Variants in PACC1 observed in about 807,000 individuals in gnomAD.
PACC1 encodes the protein proton activated chloride channel 1, also known as proton-activated chloride channel.
A neutral mutation model predicts 39.7 loss-of-function variants in PACC1; 34 were observed. The ratio of observed to expected loss-of-function variants is 0.86; its 90% CI spans 0.65 to 1.14. PACC1 has a LOEUF of 1.14. PACC1 is among the 50% of genes most tolerant of loss of function. The pLI is 0.00. For missense variants in PACC1, 379 were observed against 436.4 expected (o/e 0.87, Z 1.17); for synonymous variants, 127 against 160.6 (o/e 0.79, Z 1.58).
intron 2 of PACC1, among the ~76,000 whole-genome samples, chr1:212,393,129 A>C (rs534909758): frequency 1.2e-4 from 19 of 152,364 alleles, no homozygotes; most frequent in African/African-American, 4.6e-4. Flanking sequence ...TCAACAGAAT[A>C]TACATTCTTC....
rs781508262 is a variant in PACC1 at position 212,414,048 on chromosome 1, G to A, written c.36+674C>T. 1.6e-5 allele frequency: 24 copies of A among 1,535,432 alleles called. No individual in the cohort carries two copies. The South Asian group carries it at 2.9e-4, about 18-fold the overall frequency. On this transcript the variant is annotated intron_variant, in intron 1 of 7. Coordinates refer to ENST00000261455, the MANE Select transcript of PACC1 (RefSeq NM_018252.3). ...ATACAGCTGGAGAAGTGAGGAGGCA[G>A]GGCTTGCTTGAAGGAAGCGCTGGAC...
intron 7 of PACC1, among the ~76,000 whole-genome samples, chr1:212,374,499 G>A (rs1376014174): frequency 2.6e-5 from 4 of 152,068 alleles, no homozygotes; most frequent in Non-Finnish European, 5.9e-5. Flanking sequence ...ATACAGTAGA[G>A]CAATTATAGT....
At chr1:212,367,635 T>G (rs1660293488) in intron 7 of PACC1, among the ~76,000 whole-genome samples, 1 of 152,028 alleles carries the variant, frequency 6.6e-6, no homozygotes, top group Non-Finnish European at 1.5e-5. Context: ...GTCTGTGGGT[T>G]TGGGGTGTGA....
rs761545851 is a variant in PACC1 at position 212,386,919 on chromosome 1, G to A, written c.315C>T (p.Tyr105=). ...GGGCATCATAGCGATCCACTTCCTT[G>A]TAAGACACAGACATGACAGGGTGCT... is the stretch of plus-strand genomic sequence containing the variant. ...KLKHPVMSVS[Y]KEVDRYDAPG... Residue 105 remains tyrosine, a synonymous_variant, in exon 3 of 8, where the codon TAC becomes TAT. Coordinates refer to ENST00000261455, the MANE Select transcript of PACC1 (RefSeq NM_018252.3). The surrounding 1 kb of genome is among the most constrained non-coding windows in gnomAD (Gnocchi z 5.0). 2 of 1,614,150 alleles carry A rather than the reference G, an allele frequency of 1.2e-6. No homozygotes were observed. Among genetic ancestry groups the A allele is most frequent in the Admixed American group, 1.7e-5 (1 of 60,014 alleles).
intron 2 of PACC1, among the ~76,000 whole-genome samples, chr1:212,396,879 A>G (rs1661548191): frequency 6.6e-6 from 1 of 152,038 alleles, no homozygotes; most frequent in Admixed American, 6.6e-5. Context: ...TATTAACGAC[A>G]ACTAATTTCT....
rs1291385951 is a variant in PACC1, at chr1:212,410,184, T to C, written c.133+241A>G. 3 of 489,416 alleles carry C rather than the reference T, an allele frequency of 6.1e-6. No homozygotes were observed. In the East Asian group the frequency reaches 1.1e-4, roughly 18 times the overall value. The allele number at this position is 489,416 out of a possible 1,614,324, so 30.3% of individuals were successfully genotyped here. Reference sequence around the variant, plus strand: ...GAGCAGAGATCCAAAGCATTTGCCATTGTATGCAATGACCTGACCTCAGGA... The same window carrying C: ...GAGCAGAGATCCAAAGCATTTGCCACTGTATGCAATGACCTGACCTCAGGA... On this transcript the variant is annotated intron_variant, in intron 2 of 7. Coordinates refer to ENST00000261455, the MANE Select transcript of PACC1 (RefSeq NM_018252.3).
intron 2 of PACC1, among the ~76,000 whole-genome samples, chr1:212,394,242 A>AT (rs1470737893): frequency 6.6e-6 from 1 of 152,238 alleles, no homozygotes; most frequent in African/African-American, 2.4e-5. Flanking sequence ...ATCCACCATG[A>AT]TCAAGTGGGC....
chr1:212,405,205 C>T (rs1033913358), intron 2 of PACC1, among the ~76,000 whole-genome samples: 15 of 152,250 alleles, frequency 9.9e-5, no homozygotes, highest in African/African-American at 3.4e-4. Flanking sequence ...ATCTCCACTG[C>T]TCTCCCCCAG....
chr1:212,393,922 C>A (rs1255173593), intron 2 of PACC1, among the ~76,000 whole-genome samples: 13 of 151,214 alleles, frequency 8.6e-5, no homozygotes, highest in East Asian at 1.9e-4. Flanking sequence ...CAATAACAGG[C>A]TCTGAAATTG....
intron 1 of PACC1, 42 bp downstream of exon 1, chr1:212,414,680 C>T (rs747721659): frequency 6.2e-7 from 1 of 1,612,300 alleles, no homozygotes; most frequent in South Asian, 1.1e-5. Context: ...GGACCCTGCT[C>T]CTCCGCCTCA....
At chr1:212,372,298 A>G (rs1367102972) in intron 7 of PACC1, among the ~76,000 whole-genome samples, 1 of 149,014 alleles carries the variant, frequency 6.7e-6, no homozygotes, top group Non-Finnish European at 1.5e-5. Flanking sequence ...AAAAAAACAA[A>G]AAACAAAAAA....
At chr1:212,406,965 T>C (rs1661940566) in intron 2 of PACC1, among the ~76,000 whole-genome samples, 1 of 152,126 alleles carries the variant, frequency 6.6e-6, no homozygotes, top group South Asian at 2.1e-4. Flanking sequence ...GCACTTCTGG[T>C]TGGGGGCAAG....
At chr1:212,376,202 A>C (rs701906) in intron 6 of PACC1, among the ~76,000 whole-genome samples, 1 of 152,012 alleles carries the variant, frequency 6.6e-6, no homozygotes, top group Non-Finnish European at 1.5e-5. Flanking sequence ...CCAGAGGCTC[A>C]GATCCATCAT....
intron 2 of PACC1, among the ~76,000 whole-genome samples, chr1:212,408,492 C>T (rs1662008165): frequency 6.6e-6 from 1 of 152,024 alleles, no homozygotes; most frequent in Non-Finnish European, 1.5e-5. Context: ...TCCCAAGTAG[C>T]TGAGATTACA....
chr1:212,377,706 G>A lies in PACC1; in HGVS notation c.639C>T (p.Ser213=). The A allele has an allele frequency of 6.2e-7, 1 of 1,613,860 alleles. No individual in the cohort carries two copies. The highest frequency in any genetic ancestry group is 8.5e-7 in the Non-Finnish European group (1 of 1,179,884). ...CCTGCATGAAGCCTACCCTGTTTGG[G>A]CTTGGAGGAAGGAAGGAGAAGGAAG... is the stretch of plus-strand genomic sequence containing the variant. The part of the protein sequence containing the change: ...LFSSFQEFLQ[S]PNRVGFMQAC... The change falls in exon 6 of 8, where the codon AGC becomes AGT. Residue 213 remains serine (S), a splice_region_variant and synonymous_variant. Transcript: ENST00000261455.
chr1:212,392,777 G>T (rs1271959118), intron 2 of PACC1, among the ~76,000 whole-genome samples: 8 of 151,708 alleles, frequency 5.3e-5, no homozygotes, highest in Middle Eastern at 6.8e-3. Context: ...AAAGGCAGGG[G>T]TTGCAATCCT....
chr1:212,405,396 C>T (rs1661871546), intron 2 of PACC1, among the ~76,000 whole-genome samples: 1 of 152,194 alleles, frequency 6.6e-6, no homozygotes, highest in Non-Finnish European at 1.5e-5. Flanking sequence ...TAATTAAACT[C>T]AATAAATGTG....
chr1:212,386,907 A>G lies in PACC1; in HGVS notation c.327T>C (p.Asp109=), dbSNP rs1262088928. The G allele has an allele frequency of 3.7e-6, 6 of 1,614,032 alleles. No homozygotes were observed. The African/African-American group carries it at 8.0e-5, about 22-fold the overall frequency. The change falls in exon 3 of 8, where the codon GAT becomes GAC. Residue 109 remains aspartate, a synonymous_variant. Coordinates refer to ENST00000261455, the MANE Select transcript of PACC1 (RefSeq NM_018252.3). The surrounding 1 kb of genome is among the most constrained non-coding windows in gnomAD (Gnocchi z 5.0). ...AGGCTCTACCTGGGGCATCATAGCG[A>G]TCCACTTCCTTGTAAGACACAGACA... ...PVMSVSYKEV[D]RYDAPGIALY...
intron 1 of PACC1, among the ~76,000 whole-genome samples, chr1:212,412,663 G>T (rs564246604): frequency 6.6e-6 from 1 of 152,332 alleles, no homozygotes; most frequent in Non-Finnish European, 1.5e-5. Context: ...AGTCTACCCT[G>T]GGCCTTGGCC....
Sources: gnomAD v4.1 joint callset for allele counts (sites outside exome capture counted in the v4.1 genomes callset) on GRCh38, gnomAD v4.1.1 for gene constraint, Gnocchi (gnomAD v3.1) non-coding constraint, MANE v1.5 for transcripts, NCBI Gene and HGNC (gene_info 2026-07-23, HGNC 2026-07-21) for gene names.